The following HUNK variants were observed in gnomAD, a reference collection of about 807,000 sequenced individuals.
HUNK encodes the protein hormonally up-regulated Neu-associated kinase, also known as hormonally up-regulated neu tumor-associated kinase.
A neutral mutation model predicts 61.0 loss-of-function variants in HUNK; 21 were observed. The ratio of observed to expected loss-of-function variants is 0.34; its 90% CI spans 0.24 to 0.50. The LOEUF is 0.50. Among genes scored for constraint, HUNK ranks in the 20% least tolerant of loss-of-function variants. HUNK has a pLI of 0.98. For missense variants in HUNK, 772 were observed against 945.7 expected, an observed-to-expected ratio of 0.82 and a Z score of 2.41; for synonymous variants, 371 against 386.1, an observed-to-expected ratio of 0.96 and a Z score of 0.46.
intron 7 of HUNK, 99 bp downstream of exon 7, chr21:31,974,816 C>A (rs1195553139): frequency 1.4e-5 from 16 of 1,145,114 alleles, no homozygotes; most frequent in Non-Finnish European, 1.9e-5. Context: ...ATCCAAGCTG[C>A]TAATTTAATC....
intron 1 of HUNK, among the ~76,000 whole-genome samples, chr21:31,893,765 T>C (rs1216049195): frequency 6.6e-6 from 1 of 152,212 alleles, no homozygotes; most frequent in African/African-American, 2.4e-5. Context: ...ATTCTCCATG[T>C]TTTTGATCAG....
At chr21:31,973,070 G>C (rs959903934) in intron 6 of HUNK, among the ~76,000 whole-genome samples, 2 of 152,110 alleles carry the variant, frequency 1.3e-5, no homozygotes, top group African/African-American at 4.8e-5. Context: ...TGACATGGAG[G>C]CTAGTGGCTC....
At chr21:31,932,407 C>A (rs374125925) in intron 2 of HUNK, among the ~76,000 whole-genome samples, 35 of 152,238 alleles carry the variant, frequency 2.3e-4, no homozygotes, top group African/African-American at 8.4e-4. Flanking sequence ...TTCCAACTGA[C>A]CATCTTGAAA....
chr21:31,935,351 G>A (rs1029704216), intron 2 of HUNK, among the ~76,000 whole-genome samples: 4 of 152,128 alleles, frequency 2.6e-5, no homozygotes, highest in African/African-American at 4.8e-5. Flanking sequence ...TCCCTGTTAC[G>A]AATATCTTGT....
rs745323358 is a variant in HUNK at position 31,946,020 on chromosome 21, T to C, written c.611-16T>C. The C allele has an allele frequency of 6.4e-6, 10 of 1,570,558 alleles. No homozygotes were observed. Among genetic ancestry groups the C allele is most frequent in the Non-Finnish European group, 8.7e-6 (10 of 1,150,000 alleles). ...TTTTCTAATTCGGAGCTTGTTTTGT[T>C]CACCTCTCTTTGCAGACTTTGGTTT... On this transcript the variant is annotated splice_polypyrimidine_tract_variant and intron_variant, in intron 3 of 10. Transcript: ENST00000270112.
At chr21:31,884,887 C>T (rs968860928) in intron 1 of HUNK, among the ~76,000 whole-genome samples, 1 of 151,944 alleles carries the variant, frequency 6.6e-6, no homozygotes, top group African/African-American at 2.4e-5. Flanking sequence ...AAGTGATTCT[C>T]CTGTCTCAGC....
In HUNK at chr21:31,973,817, T is replaced by C. The variant is rs191346562; in HGVS notation, c.1011-738T>C. 3.0e-3 allele frequency among the ~76,000 whole-genome samples: 451 copies of C among 152,272 alleles called. 2 individuals carry two copies. The highest frequency in any genetic ancestry group is 0.011 in the African/African-American group (438 of 41,550). ...AGGATGACTAAGTGAATTTACATCC[T>C]CTCTTCCCCACTGGGAGGGTGAACA... On this transcript the variant is annotated intron_variant, in intron 6 of 10. Transcript: ENST00000270112.
chr21:31,873,946 C>T lies in HUNK; in HGVS notation c.261+11C>T, dbSNP rs756958824. 2.0e-5 allele frequency: 30 copies of T among 1,496,060 alleles called. 1 individual carries two copies. The South Asian group carries it at 2.6e-4, about 13-fold the overall frequency. 92.7% of individuals were successfully genotyped at this position (1,496,060 alleles called of 1,614,324 possible). A position where few individuals can be genotyped will look rare whatever the true frequency, so the allele number is the denominator to read the frequency against. On this transcript the variant is annotated intron_variant, in intron 1 of 10. Coordinates refer to ENST00000270112, the MANE Select transcript of HUNK (RefSeq NM_014586.2). This position sits in a 1 kb window ranked among gnomAD's most constrained non-coding sequence, Gnocchi z 6.1. The stretch of plus-strand genomic sequence containing the variant: ...CTGACCGGGGAGAAGGTGAGTCTCC[C>T]GGGCGCCGTGGGGCTGGGGCACAGG...
At chr21:31,948,567 C>G (rs761546199) in intron 4 of HUNK, among the ~76,000 whole-genome samples, 2 of 151,928 alleles carry the variant, frequency 1.3e-5, no homozygotes, top group African/African-American at 2.4e-5. Flanking sequence ...CCCAGGATTT[C>G]CTCAGCACCT....
At chr21:31,890,133 A>G (rs186305296) in intron 1 of HUNK, among the ~76,000 whole-genome samples, 32 of 152,274 alleles carry the variant, frequency 2.1e-4, no homozygotes, top group Non-Finnish European at 1.5e-4. Flanking sequence ...GATAGTTGCC[A>G]TCTAAATCAT....
chr21:31,944,265 G>T (rs1008822686), intron 3 of HUNK, among the ~76,000 whole-genome samples: 7 of 152,238 alleles, frequency 4.6e-5, no homozygotes, highest in African/African-American at 1.7e-4. Context: ...TTTTAGTAGA[G>T]ACAGGGTTTC....
chr21:31,985,300 T>C (rs371746517), intron 8 of HUNK, among the ~76,000 whole-genome samples: 10 of 152,366 alleles, frequency 6.6e-5, no homozygotes, highest in African/African-American at 2.2e-4. Context: ...GTTTTCATCC[T>C]GATCCCATGA....
intron 1 of HUNK, among the ~76,000 whole-genome samples, chr21:31,890,091 A>C (rs2052375347): frequency 6.6e-6 from 1 of 152,168 alleles, no homozygotes; most frequent in Non-Finnish European, 1.5e-5. Context: ...TGAGATTTTT[A>C]ACAGATCAAA....
chr21:31,997,643 T>C (rs1271381728), intron 10 of HUNK, among the ~76,000 whole-genome samples: 1 of 152,228 alleles, frequency 6.6e-6, no homozygotes, highest in East Asian at 1.9e-4. Flanking sequence ...GGAGATTGAT[T>C]CTACAACAGT....
At chr21:31,961,433 T>G (rs2123843136) in intron 5 of HUNK, among the ~76,000 whole-genome samples, 1 of 152,302 alleles carries the variant, frequency 6.6e-6, no homozygotes, top group Admixed American at 6.5e-5. Flanking sequence ...ATTGCTGGGT[T>G]GGGTAGTAAG....
intron 1 of HUNK, among the ~76,000 whole-genome samples, chr21:31,880,538 A>G (rs2052298938): frequency 6.6e-6 from 1 of 152,142 alleles, no homozygotes; most frequent in Non-Finnish European, 1.5e-5. Context: ...GTCTTCACAC[A>G]GTGTTCCTCC....
chr21:31,947,270 C>T (rs1321922239), intron 4 of HUNK, among the ~76,000 whole-genome samples: 1 of 141,718 alleles, frequency 7.1e-6, no homozygotes. Context: ...GGCGCCTGCG[C>T]ATTCCCACAT....
At chr21:31,995,978 C>T in intron 10 of HUNK, 30 bp downstream of exon 10, 1 of 1,568,966 alleles carries the variant, frequency 6.4e-7, no homozygotes, top group Non-Finnish European at 8.7e-7. Flanking sequence ...TCTCTCAGGC[C>T]ACTCGTGTTG....
chr21:31,921,154 CAAAAAAAAAAAAAAA>C (rs751938845), intron 1 of HUNK, among the ~76,000 whole-genome samples: 5 of 39,374 alleles, frequency 1.3e-4, no homozygotes, highest in South Asian at 1.3e-3. Context: ...GATTCCATCT[CAAAAAAAAAAAAAAA>C]AAAAAAAAAA....
Sources: gnomAD v4.1 joint callset for allele counts (sites outside exome capture counted in the v4.1 genomes callset) on GRCh38, gnomAD v4.1.1 for gene constraint, Gnocchi (gnomAD v3.1) non-coding constraint, MANE v1.5 for transcripts, NCBI Gene and HGNC (gene_info 2026-07-23, HGNC 2026-07-21) for gene names.